Variants in FHIT observed in about 807,000 individuals in gnomAD.
The protein encoded by FHIT is fragile histidine triad diadenosine triphosphatase, also known as bis(5'-adenosyl)-triphosphatase.
Under a neutral mutation model 17.9 loss-of-function variants are expected in FHIT, and 19 were observed. The ratio of observed to expected loss-of-function variants is 1.06; its 90% CI spans 0.74 to 1.56. The LOEUF is 1.56. Ranked by LOEUF, FHIT falls within the 40% of genes most tolerant of loss-of-function variation. The pLI is 0.00. For synonymous variants in FHIT, 81 were observed against 69.7 expected (o/e 1.16, Z -0.81); for missense variants, 248 against 189.2 (o/e 1.31, Z -1.82).
intron 5 of FHIT, among the ~76,000 whole-genome samples, chr3:60,327,023 G>A (rs1709725232): frequency 6.6e-6 from 1 of 152,136 alleles, no homozygotes. Context: ...GGAAAATGAG[G>A]ATCCAGGTCT....
chr3:60,187,400 T>G (rs1702201649), intron 5 of FHIT, among the ~76,000 whole-genome samples: 1 of 152,192 alleles, frequency 6.6e-6, no homozygotes, highest in African/African-American at 2.4e-5. Context: ...AATGCAGTTT[T>G]TAAATTAGGC....
chr3:60,039,099 G>C (rs950080383), intron 5 of FHIT, among the ~76,000 whole-genome samples: 2 of 152,166 alleles, frequency 1.3e-5, no homozygotes, highest in South Asian at 4.1e-4. Context: ...GCTAGGATTT[G>C]AATAGTTAGG....
At chr3:60,743,781 G>T (rs973085727) in intron 4 of FHIT, among the ~76,000 whole-genome samples, 2 of 152,196 alleles carry the variant, frequency 1.3e-5, no homozygotes, top group African/African-American at 4.8e-5. Flanking sequence ...TGAGGACACA[G>T]GTCCAGGGGA....
At chr3:60,011,596 T>C (rs1700143239) in intron 6 of FHIT, among the ~76,000 whole-genome samples, 196 bp from the exon 7 acceptor site, 1 of 152,206 alleles carries the variant, frequency 6.6e-6, no homozygotes, top group African/African-American at 2.4e-5. Flanking sequence ...TGCGAAGTTA[T>C]GTATAAAAAT....
At chr3:60,747,219 C>A (rs1553715611) in intron 4 of FHIT, among the ~76,000 whole-genome samples, 1 of 152,102 alleles carries the variant, frequency 6.6e-6, no homozygotes, top group Non-Finnish European at 1.5e-5. Flanking sequence ...CAGCACTGCT[C>A]CTCTCTGCCT....
At chr3:60,117,906 T>G (rs1168688452) in intron 5 of FHIT, among the ~76,000 whole-genome samples, 1 of 152,126 alleles carries the variant, frequency 6.6e-6, no homozygotes, top group African/African-American at 2.4e-5. Flanking sequence ...AGGATATCCA[T>G]GAGGCTGTCA....
chr3:59,917,924 C>T (rs181613165), intron 8 of FHIT, among the ~76,000 whole-genome samples: 15 of 152,322 alleles, frequency 9.8e-5, no homozygotes, highest in South Asian at 4.1e-4. Flanking sequence ...TTATCAACTT[C>T]GACATGTGCC....
chr3:60,349,397 T>C (rs1048677804), intron 5 of FHIT, among the ~76,000 whole-genome samples: 5 of 152,140 alleles, frequency 3.3e-5, no homozygotes, highest in African/African-American at 1.2e-4. Flanking sequence ...AAAACTATTA[T>C]GTCTTAATGC....
chr3:60,870,850 A>G (rs1704383704), intron 3 of FHIT, among the ~76,000 whole-genome samples: 2 of 152,114 alleles, frequency 1.3e-5, no homozygotes, highest in Non-Finnish European at 2.9e-5. Flanking sequence ...CCCATGGGTA[A>G]GACCATGGAC....
chr3:60,907,273 A>T (rs993669236), intron 3 of FHIT, among the ~76,000 whole-genome samples: 1 of 152,336 alleles, frequency 6.6e-6, no homozygotes, highest in East Asian at 1.9e-4. Flanking sequence ...TTACCTAGAT[A>T]GTACTTTGGC....
Position 60,797,532 on chromosome 3 carries a change from G to T in FHIT, c.-18+24387C>A, listed in dbSNP as rs898170786. On this transcript the variant is annotated intron_variant, in intron 4 of 9. Coordinates refer to ENST00000492590, the MANE Select transcript of FHIT (RefSeq NM_002012.4). ...ATACCGTATCTATTTTCTTTCATCAGAATCTGCTGGTTCCATTTCATAGTT... is the reference window on the plus strand; with the variant it reads ...ATACCGTATCTATTTTCTTTCATCATAATCTGCTGGTTCCATTTCATAGTT... Among the ~76,000 whole-genome samples, 3 of 151,274 alleles carry T rather than the reference G, an allele frequency of 2.0e-5. No individual in the cohort carries two copies. In the East Asian group the frequency reaches 5.8e-4, roughly 29 times the overall value.
intron 7 of FHIT, among the ~76,000 whole-genome samples, chr3:59,947,216 C>T (rs973412672): frequency 6.6e-6 from 1 of 152,072 alleles, no homozygotes; most frequent in Non-Finnish European, 1.5e-5. Context: ...CCAGGGTTTC[C>T]GTTTCTTCCC....
At chr3:59,858,659 G>T (rs1702280033) in intron 8 of FHIT, among the ~76,000 whole-genome samples, 1 of 152,096 alleles carries the variant, frequency 6.6e-6, no homozygotes, top group Non-Finnish European at 1.5e-5. Context: ...GAGGGGTGCT[G>T]CATGGATGGG....
At chr3:60,732,338 C>T in intron 4 of FHIT, 4 of 918,456 alleles carry the variant, frequency 4.4e-6, no homozygotes, top group East Asian at 2.4e-5. Context: ...CAGCATTTGC[C>T]ATGGGCAAGA....
intron 5 of FHIT, among the ~76,000 whole-genome samples, chr3:60,533,335 G>C (rs765576060): frequency 3.3e-5 from 5 of 152,132 alleles, no homozygotes; most frequent in Non-Finnish European, 5.9e-5. Context: ...ATATACTCCT[G>C]ATGTTTCCAG....
intron 3 of FHIT, among the ~76,000 whole-genome samples, chr3:61,036,117 C>T (rs973141623): frequency 1.3e-5 from 2 of 152,198 alleles, no homozygotes; most frequent in Admixed American, 6.5e-5. Context: ...GGCATCTGCT[C>T]GGCTTCTGGG....
chr3:60,690,639 G>C (rs782627525), intron 4 of FHIT: 78 of 521,268 alleles, frequency 1.5e-4, no homozygotes, highest in Non-Finnish European at 4.3e-5. Flanking sequence ...TTGGAAGCTT[G>C]TCTGCAAACA....
At chr3:60,425,868 C>T (rs1702644345) in intron 5 of FHIT, among the ~76,000 whole-genome samples, 1 of 151,980 alleles carries the variant, frequency 6.6e-6, no homozygotes, top group Admixed American at 6.6e-5. Flanking sequence ...TTATTGATAG[C>T]CATCCCATAT....
intron 5 of FHIT, among the ~76,000 whole-genome samples, chr3:60,079,226 C>G (rs1012499528): frequency 6.6e-6 from 1 of 152,032 alleles, no homozygotes; most frequent in Non-Finnish European, 1.5e-5. Flanking sequence ...TGGGGGCACC[C>G]GAGGTGATGT....
Sources: allele counts gnomAD v4.1 joint callset (sites outside exome capture counted in the v4.1 genomes callset), GRCh38; gene constraint gnomAD v4.1.1; transcripts MANE v1.5; gene names NCBI Gene and HGNC (gene_info 2026-07-23, HGNC 2026-07-21).